The following BMP6 variants were observed in gnomAD, a reference collection of about 807,000 sequenced individuals.
BMP6 encodes the protein VG-1-R.
In BMP6, 17 loss-of-function variants were observed where a neutral mutation model predicts 54.1. The observed-to-expected ratio is 0.31, with a 90% CI of 0.22 to 0.47. The LOEUF (loss-of-function observed/expected upper bound fraction) is 0.47. BMP6 is among the 20% of genes least tolerant of loss of function. BMP6 has a pLI of 1.00. For synonymous variants in BMP6, 328 were observed against 291.2 expected (o/e 1.13, Z -1.28); for missense variants, 720 against 690.4 (o/e 1.04, Z -0.48).
At chr6:7,777,713 AAAGCAT>A (rs1201915602) in intron 1 of BMP6, among the ~76,000 whole-genome samples, 27 of 151,890 alleles carry the variant, frequency 1.8e-4, no homozygotes, top group Non-Finnish European at 2.9e-5. Flanking sequence ...AGCTGAAAGT[AAAGCAT>A]AAAACCCCAG....
chr6:7,863,562 A>C (rs1365288121), intron 4 of BMP6, among the ~76,000 whole-genome samples: 1 of 152,144 alleles, frequency 6.6e-6, no homozygotes, highest in Non-Finnish European at 1.5e-5. Context: ...CCTGAAGCAC[A>C]CTGCTGGGTG....
intron 1 of BMP6, among the ~76,000 whole-genome samples, chr6:7,759,430 C>G (rs1757574303): frequency 6.6e-6 from 1 of 152,168 alleles, no homozygotes; most frequent in Non-Finnish European, 1.5e-5. Flanking sequence ...CTGCTGAAAT[C>G]CAGAACACTT....
intron 1 of BMP6, among the ~76,000 whole-genome samples, chr6:7,837,963 A>G (rs1182806145): frequency 6.6e-6 from 1 of 152,212 alleles, no homozygotes; most frequent in African/African-American, 2.4e-5. Context: ...AAATGACTCT[A>G]CAGATAAGTC....
intron 1 of BMP6, among the ~76,000 whole-genome samples, chr6:7,826,842 C>G (rs1392952212): frequency 1.3e-5 from 2 of 152,318 alleles, no homozygotes; most frequent in African/African-American, 4.8e-5. Context: ...ATGGCTGATT[C>G]CTTTCTTGAT....
At chr6:7,768,174 G>T (rs1757721047) in intron 1 of BMP6, among the ~76,000 whole-genome samples, 1 of 152,152 alleles carries the variant, frequency 6.6e-6, no homozygotes, top group Non-Finnish European at 1.5e-5. Flanking sequence ...AGAACGGAGT[G>T]CTCTGGTGTA....
intron 1 of BMP6, among the ~76,000 whole-genome samples, chr6:7,836,130 G>T (rs9502653): frequency 3.3e-5 from 5 of 152,058 alleles, no homozygotes; most frequent in African/African-American, 9.7e-5. Flanking sequence ...GAGCCACTGC[G>T]CCCGGCCTAT....
At chr6:7,773,066 AT>A (rs1757813984) in intron 1 of BMP6, among the ~76,000 whole-genome samples, 1 of 152,204 alleles carries the variant, frequency 6.6e-6, no homozygotes, top group African/African-American at 2.4e-5. Context: ...CCTATGTGCC[AT>A]TAACAGTCAG....
At chr6:7,810,246 A>C (rs562067909) in intron 1 of BMP6, among the ~76,000 whole-genome samples, 8 of 152,310 alleles carry the variant, frequency 5.3e-5, no homozygotes, top group African/African-American at 1.9e-4. Flanking sequence ...AAGTTGTGGG[A>C]TAACCCCCCA....
rs1017205255 is a variant in BMP6, at chr6:7,808,130, C to T, written c.665-37010C>T. ...AGAGATGGGGTTTCACCGTGTTAGCCAGGATGGTCTTGATTTCCTGACCTT... is the reference window on the plus strand; with the variant it reads ...AGAGATGGGGTTTCACCGTGTTAGCTAGGATGGTCTTGATTTCCTGACCTT... On this transcript the variant is annotated intron_variant, in intron 1 of 6. Coordinates refer to ENST00000283147, the MANE Select transcript of BMP6 (RefSeq NM_001718.6). Among the ~76,000 whole-genome samples the T allele has an allele frequency of 1.6e-4, 25 of 152,142 alleles. 1 individual carries two copies. Among genetic ancestry groups the T allele is most frequent in the South Asian group, 4.2e-4 (2 of 4,816 alleles).
intron 1 of BMP6, among the ~76,000 whole-genome samples, chr6:7,826,476 C>T (rs556621457): frequency 9.9e-5 from 15 of 152,276 alleles, no homozygotes; most frequent in Non-Finnish European, 2.1e-4. Flanking sequence ...ATGTTACTTA[C>T]GACTTATGTT....
chr6:7,815,927 G>A (rs1019568390), intron 1 of BMP6, among the ~76,000 whole-genome samples: 1 of 152,154 alleles, frequency 6.6e-6, no homozygotes, highest in African/African-American at 2.4e-5. Context: ...ATAAATAGTC[G>A]TTCTGGCTGG....
At chr6:7,870,549 C>G (rs1759507575) in intron 4 of BMP6, among the ~76,000 whole-genome samples, 1 of 152,174 alleles carries the variant, frequency 6.6e-6, no homozygotes, top group African/African-American at 2.4e-5. Context: ...TTCTTTTCCA[C>G]TACAGATCAT....
At chr6:7,839,844 C>G (rs553838198) in intron 1 of BMP6, among the ~76,000 whole-genome samples, 3 of 152,304 alleles carry the variant, frequency 2.0e-5, no homozygotes, top group South Asian at 4.1e-4. Context: ...ATTGCTGGAT[C>G]AATGCTAATT....
At chr6:7,870,701 C>T (rs374576445) in intron 4 of BMP6, among the ~76,000 whole-genome samples, 2 of 152,222 alleles carry the variant, frequency 1.3e-5, no homozygotes, top group Non-Finnish European at 2.9e-5. Context: ...AATCTCAGCT[C>T]ACTGCAACCT....
At chr6:7,862,199 A>T in intron 3 of BMP6, 102 bp from the exon 4 acceptor site, 1 of 1,352,178 alleles carries the variant, frequency 7.4e-7, no homozygotes, top group Non-Finnish European at 1.0e-6. Context: ...CTCATTCTTA[A>T]GGATTAGCAC....
At chr6:7,825,655 G>C (rs1265584700) in intron 1 of BMP6, among the ~76,000 whole-genome samples, 1 of 151,652 alleles carries the variant, frequency 6.6e-6, no homozygotes, top group Non-Finnish European at 1.5e-5. Flanking sequence ...GGGAGGCAGA[G>C]ATTGCAGTGA....
At chr6:7,811,694 T>G (rs1758438349) in intron 1 of BMP6, among the ~76,000 whole-genome samples, 1 of 152,226 alleles carries the variant, frequency 6.6e-6, no homozygotes, top group Non-Finnish European at 1.5e-5. Context: ...TAATTTGACC[T>G]AATTGATTCC....
At chr6:7,733,795 G>A (rs1364384715) in intron 1 of BMP6, among the ~76,000 whole-genome samples, 1 of 152,152 alleles carries the variant, frequency 6.6e-6, no homozygotes, top group Non-Finnish European at 1.5e-5. Flanking sequence ...CGTGTGAGTC[G>A]GAAAACGGCA....
chr6:7,799,193 C>A (rs1021646338), intron 1 of BMP6, among the ~76,000 whole-genome samples: 2 of 152,184 alleles, frequency 1.3e-5, no homozygotes, highest in Non-Finnish European at 2.9e-5. Context: ...AATGGAATAA[C>A]CTCATTTTAA....
Sources: allele counts gnomAD v4.1 joint callset (sites outside exome capture counted in the v4.1 genomes callset), GRCh38; gene constraint gnomAD v4.1.1; transcripts MANE v1.5; gene names NCBI Gene and HGNC (gene_info 2026-07-23, HGNC 2026-07-21).